PARG: variants seen among roughly 807,000 people sequenced by gnomAD.
PARG encodes the protein mitochondrial poly(ADP-ribose) glycohydrolase.
Under a neutral mutation model 113.0 loss-of-function variants are expected in PARG, and 35 were observed. That is an observed-to-expected ratio of 0.31 (90% CI 0.24 to 0.41). The LOEUF (loss-of-function observed/expected upper bound fraction) is 0.41, where lower values mean the gene tolerates loss of function less well. Among genes scored for constraint, PARG ranks in the 10% least tolerant of loss-of-function variants. The pLI, the probability that PARG is intolerant of heterozygous loss-of-function variation, is 1.00. For synonymous variants in PARG, 330 were observed against 409.9 expected, an observed-to-expected ratio of 0.81 and a Z score of 2.36; for missense variants, 797 against 1,169.4, an observed-to-expected ratio of 0.68 and a Z score of 4.64.
At chr10:49,825,387 A>G (rs1844303316) in intron 16 of PARG, among the ~76,000 whole-genome samples, 1 of 152,204 alleles carries the variant, frequency 6.6e-6, no homozygotes, top group Non-Finnish European at 1.5e-5. Context: ...CGGATTAAAT[A>G]ACAAAAGCAC....
At chr10:49,841,152 C>G (rs1845215461) in intron 15 of PARG, among the ~76,000 whole-genome samples, 2 of 151,908 alleles carry the variant, frequency 1.3e-5, no homozygotes, top group Admixed American at 1.3e-4. Flanking sequence ...ACTTGGGAGG[C>G]TGAGGCAGGA....
At chr10:49,939,295 G>C (rs1838899756) in intron 1 of PARG, among the ~76,000 whole-genome samples, 1 of 152,058 alleles carries the variant, frequency 6.6e-6, no homozygotes, top group African/African-American at 2.4e-5. Flanking sequence ...TTTGTTTCTT[G>C]CAACTAGTCT....
intron 7 of PARG, among the ~76,000 whole-genome samples, chr10:49,906,310 G>C (rs190774038): frequency 3.6e-3 from 548 of 151,722 alleles, no homozygotes; most frequent in East Asian, 0.015. Context: ...CCAGATCTAA[G>C]GCTATGGGCC....
At chr10:49,887,404 T>A (rs1330496614) in intron 7 of PARG, among the ~76,000 whole-genome samples, 1 of 151,888 alleles carries the variant, frequency 6.6e-6, no homozygotes, top group Non-Finnish European at 1.5e-5. Flanking sequence ...AAAATCAAGA[T>A]GCAGAACCAT....
At chr10:49,921,398 A>C (rs1172661030) in intron 6 of PARG, among the ~76,000 whole-genome samples, 12 of 152,232 alleles carry the variant, frequency 7.9e-5, no homozygotes, top group African/African-American at 2.7e-4. Flanking sequence ...ACTGTAAAAA[A>C]GAAAAATAAA....
chr10:49,824,547 A>G (rs1454472956), intron 16 of PARG, among the ~76,000 whole-genome samples: 1 of 152,208 alleles, frequency 6.6e-6, no homozygotes, highest in Non-Finnish European at 1.5e-5. Context: ...AATAAATATG[A>G]ATAACATGAA....
At chr10:49,838,732 T>C (rs1845076488) in intron 15 of PARG, among the ~76,000 whole-genome samples, 3 of 152,094 alleles carry the variant, frequency 2.0e-5, no homozygotes, top group African/African-American at 4.8e-5. Context: ...AAAAAAAAAC[T>C]CCACCTGCAT....
chr10:49,889,257 T>C (rs1362015258), intron 7 of PARG, among the ~76,000 whole-genome samples: 1 of 152,140 alleles, frequency 6.6e-6, no homozygotes, highest in Non-Finnish European at 1.5e-5. Context: ...ATGAGGGACA[T>C]TTTGTTGAAA....
intron 7 of PARG, among the ~76,000 whole-genome samples, chr10:49,909,072 G>C (rs1837020770): frequency 6.6e-6 from 1 of 152,068 alleles, no homozygotes. Context: ...ATTTGATACA[G>C]TTAAAATTAC....
At chr10:49,852,839 A>G (rs1207596920) in intron 13 of PARG, among the ~76,000 whole-genome samples, 2 of 150,534 alleles carry the variant, frequency 1.3e-5, no homozygotes, top group African/African-American at 4.9e-5. Flanking sequence ...TGCTGGGATT[A>G]CAGGGGTGAG....
At chr10:49,837,296 C>A (rs1844987471) in intron 15 of PARG, among the ~76,000 whole-genome samples, 1 of 151,898 alleles carries the variant, frequency 6.6e-6, no homozygotes, top group Admixed American at 6.6e-5. Context: ...GGTCAGAGAT[C>A]CATACTGAAT....
At chr10:49,849,754 G>T (rs2573384) in intron 13 of PARG, among the ~76,000 whole-genome samples, 20 of 152,256 alleles carry the variant, frequency 1.3e-4, no homozygotes, top group Non-Finnish European at 2.4e-4. Context: ...GGCTCATGCC[G>T]GTAAGCCCAG....
intron 7 of PARG, among the ~76,000 whole-genome samples, chr10:49,915,326 T>C (rs1269724488): frequency 1.3e-5 from 2 of 152,084 alleles, no homozygotes; most frequent in East Asian, 3.8e-4. Flanking sequence ...CCAAAGAAGA[T>C]ATAGAAATGG....
chr10:49,842,630 T>C (rs1845300008), intron 14 of PARG, among the ~76,000 whole-genome samples: 1 of 152,236 alleles, frequency 6.6e-6, no homozygotes, highest in Non-Finnish European at 1.5e-5. Context: ...AATACCATGT[T>C]GCCTGTGGAA....
At chr10:49,821,649 G>GGATTA (rs1371144843) in intron 16 of PARG, among the ~76,000 whole-genome samples, 3 of 152,142 alleles carry the variant, frequency 2.0e-5, no homozygotes, top group African/African-American at 7.2e-5. Context: ...CAAAGTGTGG[G>GGATTA]GATTACAGGC....
At chr10:49,888,924 T>C (rs1847629610) in intron 7 of PARG, among the ~76,000 whole-genome samples, 1 of 152,142 alleles carries the variant, frequency 6.6e-6, no homozygotes, top group African/African-American at 2.4e-5. Flanking sequence ...ACTGAGTAAT[T>C]TCTCTTAATT....
chr10:49,906,159 T>TTTTTTTCC (rs4012651), intron 7 of PARG, among the ~76,000 whole-genome samples: 5 of 142,192 alleles, frequency 3.5e-5, no homozygotes, highest in Admixed American at 7.0e-5. Context: ...TTTTTTTTTT[T>TTTTTTTCC]CCCAGTAGAA....
At chr10:49,880,641 T>TC (rs1297464902) in intron 8 of PARG, among the ~76,000 whole-genome samples, 1 of 152,176 alleles carries the variant, frequency 6.6e-6, no homozygotes, top group African/African-American at 2.4e-5. Context: ...ACCCCTCCTC[T>TC]CGACCAAGGG....
At chr10:49,906,637 G>A (rs1275384395) in intron 7 of PARG, among the ~76,000 whole-genome samples, 1 of 151,890 alleles carries the variant, frequency 6.6e-6, no homozygotes, top group African/African-American at 2.4e-5. Context: ...AATATTAATA[G>A]CATCTAACTC....
Sources: gnomAD v4.1 joint callset for allele counts (sites outside exome capture counted in the v4.1 genomes callset) on GRCh38, gnomAD v4.1.1 for gene constraint, MANE v1.5 for transcripts, NCBI Gene and HGNC (gene_info 2026-07-23, HGNC 2026-07-21) for gene names.